Variants in CDK14 observed in about 807,000 individuals in gnomAD.
The protein encoded by CDK14 is cyclin dependent kinase 14.
Under a neutral mutation model 60.7 loss-of-function variants are expected in CDK14, and 34 were observed. The observed-to-expected ratio is 0.56, with a 90% confidence interval of 0.43 to 0.75. The LOEUF (loss-of-function observed/expected upper bound fraction) is 0.75, where lower values mean the gene tolerates loss of function less well. CDK14 is among the 30% of genes least tolerant of loss of function. The probability of loss-of-function intolerance (pLI) is 0.00; values close to 1 mark genes in which losing one functional copy is unlikely to be tolerated. For missense variants in CDK14, 482 were observed against 564.1 expected, an observed-to-expected ratio of 0.85 and a Z score of 1.47; for synonymous variants, 197 against 203.7, an observed-to-expected ratio of 0.97 and a Z score of 0.28.
chr7:90,799,690 CAAAAAAA>C (rs11353946), intron 5 of CDK14, among the ~76,000 whole-genome samples: 1 of 53,530 alleles, frequency 1.9e-5, no homozygotes, highest in African/African-American at 7.2e-5. Flanking sequence ...AACTCCATCT[CAAAAAAA>C]AAAAAAAAAA....
chr7:90,821,967 C>G (rs1334302360), intron 5 of CDK14, among the ~76,000 whole-genome samples: 4 of 152,216 alleles, frequency 2.6e-5, no homozygotes, highest in African/African-American at 4.8e-5. Context: ...ATCCTTCCTT[C>G]TGGAATGTCC....
chr7:91,059,413 G>C (rs1797704758), intron 11 of CDK14, among the ~76,000 whole-genome samples: 1 of 152,036 alleles, frequency 6.6e-6, no homozygotes, highest in Admixed American at 6.5e-5. Flanking sequence ...CTTCAGTTCT[G>C]CTCTGATCTT....
chr7:91,137,033 C>T (rs1035836979), intron 14 of CDK14, among the ~76,000 whole-genome samples: 1 of 152,182 alleles, frequency 6.6e-6, no homozygotes, highest in Non-Finnish European at 1.5e-5. Context: ...TGTTATAATG[C>T]TAGTGGGTGT....
chr7:90,706,273 C>G (rs895694646), intron 2 of CDK14, among the ~76,000 whole-genome samples: 4 of 152,180 alleles, frequency 2.6e-5, no homozygotes, highest in Admixed American at 6.5e-5. Context: ...TCTCCCTGCT[C>G]TCTTTACTTC....
intron 4 of CDK14, among the ~76,000 whole-genome samples, chr7:90,775,291 AGGAATGAATG>A (rs1371890918): frequency 6.6e-6 from 1 of 152,208 alleles, no homozygotes; most frequent in Non-Finnish European, 1.5e-5. Context: ...ACAGAAGATT[AGGAATGAATG>A]GGTTTGACTT....
chr7:91,172,594 A>G (rs1486981327), intron 14 of CDK14, among the ~76,000 whole-genome samples: 1 of 152,170 alleles, frequency 6.6e-6, no homozygotes, highest in African/African-American at 2.4e-5. Flanking sequence ...GAAGTAAATA[A>G]TTCAGAGGGC....
chr7:90,627,016 AACTTT>A (rs1408225742), intron 2 of CDK14, among the ~76,000 whole-genome samples: 2 of 151,896 alleles, frequency 1.3e-5, no homozygotes, highest in African/African-American at 2.4e-5. Context: ...AGAAACAGAT[AACTTT>A]ACTTTTATTA....
intron 6 of CDK14, among the ~76,000 whole-genome samples, chr7:90,883,186 A>G (rs1159840586): frequency 1.3e-5 from 2 of 152,148 alleles, no homozygotes; most frequent in South Asian, 2.1e-4. Context: ...TTAACAAAAT[A>G]CACAGCCTCC....
At chr7:90,880,038 C>G (rs955423605) in intron 6 of CDK14, among the ~76,000 whole-genome samples, 1 of 152,212 alleles carries the variant, frequency 6.6e-6, no homozygotes, top group Non-Finnish European at 1.5e-5. Flanking sequence ...CAGATTCTTA[C>G]CGCCTCTCAG....
chr7:90,604,177 T>A, intron 1 of CDK14, 41 bp from the exon 2 acceptor site: 1 of 1,387,432 alleles, frequency 7.2e-7, no homozygotes, highest in Non-Finnish European at 9.9e-7. Flanking sequence ...CTCTTTGGAA[T>A]TTTTCACAAT....
At chr7:90,749,144 T>A (rs1036145276) in intron 4 of CDK14, among the ~76,000 whole-genome samples, 1 of 152,026 alleles carries the variant, frequency 6.6e-6, no homozygotes, top group South Asian at 2.1e-4. Context: ...ATTTTGAGAG[T>A]TGTAAAAAAA....
chr7:90,870,668 G>A (rs913335568), intron 6 of CDK14, among the ~76,000 whole-genome samples: 1 of 152,062 alleles, frequency 6.6e-6, no homozygotes, highest in Non-Finnish European at 1.5e-5. Context: ...AATCTAGAAT[G>A]TAAAAAGAAT....
intron 9 of CDK14, among the ~76,000 whole-genome samples, chr7:90,964,557 C>G (rs1324937104): frequency 6.6e-6 from 1 of 152,172 alleles, no homozygotes; most frequent in Non-Finnish European, 1.5e-5. Flanking sequence ...TCTGCCTCAT[C>G]CATACCCACC....
intron 5 of CDK14, among the ~76,000 whole-genome samples, chr7:90,826,741 T>C (rs1405411337): frequency 6.6e-6 from 1 of 152,210 alleles, no homozygotes; most frequent in Non-Finnish European, 1.5e-5. Context: ...GTTTTAGGTT[T>C]ATGGAGAAAT....
At chr7:90,948,012 A>G (rs1794151274) in intron 8 of CDK14, among the ~76,000 whole-genome samples, 1 of 152,194 alleles carries the variant, frequency 6.6e-6, no homozygotes, top group Non-Finnish European at 1.5e-5. Context: ...ACATACTTGT[A>G]TAATGTTTTG....
chr7:91,165,563 A>G (rs1257873939), intron 14 of CDK14, among the ~76,000 whole-genome samples: 1 of 152,210 alleles, frequency 6.6e-6, no homozygotes, highest in Non-Finnish European at 1.5e-5. Context: ...CTGGCTAGTA[A>G]TAGTTTCAAA....
rs911929939 is a variant in CDK14, at chr7:91,197,024, G to A, written c.*29-10141G>A. On this transcript the variant is annotated intron_variant, in intron 14 of 14. Transcript: ENST00000380050. Reference sequence around the variant, plus strand: ...TAATAAACTTGGAAGTCACTACTGTGCATATTAATCCTGTTGTTCCTTTGG... The same window carrying A: ...TAATAAACTTGGAAGTCACTACTGTACATATTAATCCTGTTGTTCCTTTGG... Among the ~76,000 whole-genome samples the A allele has an allele frequency of 2.6e-5, 4 of 152,148 alleles. No individual in the cohort carries two copies. The South Asian group carries it at 8.3e-4, about 32-fold the overall frequency.
intron 12 of CDK14, chr7:91,107,495 C>T (rs746556423): frequency 3.9e-5 from 6 of 152,204 alleles, no homozygotes; most frequent in Non-Finnish European, 4.4e-5. Context: ...AATAATGGTA[C>T]ACTGCCATTT....
intron 8 of CDK14, among the ~76,000 whole-genome samples, chr7:90,951,816 A>T (rs1794271981): frequency 6.6e-6 from 1 of 152,176 alleles, no homozygotes. Flanking sequence ...GGCTGGAGTT[A>T]TATTGAGTGC....
Sources: gnomAD v4.1 joint callset for allele counts (sites outside exome capture counted in the v4.1 genomes callset) on GRCh38, gnomAD v4.1.1 for gene constraint, MANE v1.5 for transcripts, NCBI Gene and HGNC (gene_info 2026-07-23, HGNC 2026-07-21) for gene names.